Variants in PTPRQ observed in about 807,000 individuals in gnomAD.
PTPRQ encodes phosphatidylinositol phosphatase PTPRQ.
In PTPRQ, 199 loss-of-function variants were observed where a neutral mutation model predicts 246.0. The observed-to-expected ratio is 0.81, with a 90% CI of 0.72 to 0.91. The LOEUF is 0.91. Among genes scored for constraint, PTPRQ ranks in the 40% least tolerant of loss-of-function variants. The pLI is 0.00. For synonymous variants in PTPRQ, 869 were observed against 853.2 expected (o/e 1.02, Z -0.32); for missense variants, 2,624 against 2,528.4 (o/e 1.04, Z -0.81).
intron 25 of PTPRQ, chr12:80,586,795 C>T (rs1250322298): frequency 6.6e-6 from 1 of 152,128 alleles, no homozygotes; most frequent in Non-Finnish European, 1.5e-5. Context: ...GTCTGTACCC[C>T]ACATGCCCAG....
intron 14 of PTPRQ, among the ~76,000 whole-genome samples, chr12:80,497,615 T>G (rs1592584425): frequency 6.6e-6 from 1 of 152,212 alleles, no homozygotes; most frequent in East Asian, 1.9e-4. Flanking sequence ...AGCAAGGAAT[T>G]ACTTGTGTTT....
chr12:80,660,050 C>A (rs11114551), intron 39 of PTPRQ, among the ~76,000 whole-genome samples: 1 of 151,916 alleles, frequency 6.6e-6, no homozygotes, highest in Non-Finnish European at 1.5e-5. Flanking sequence ...ATCAATTTCC[C>A]CCTACCCCCA....
At chr12:80,459,207 T>G (rs780900830) in intron 4 of PTPRQ, 77 bp from the exon 5 acceptor site, 12 of 397,050 alleles carry the variant, frequency 3.0e-5, no homozygotes, top group Non-Finnish European at 5.3e-5. Context: ...TTTAATTTCA[T>G]GTACCATGAA....
Position 80,472,202 on chromosome 12 carries a change from T to C in PTPRQ, c.1137T>C (p.Ser379=). The C allele has an allele frequency of 3.2e-6, 5 of 1,551,586 alleles. No individual in the cohort carries two copies. The highest frequency in any genetic ancestry group is 4.4e-6 in the Non-Finnish European group (5 of 1,146,958). The change falls in exon 8 of 45, where the codon AGT becomes AGC. Residue 379 remains serine, a synonymous_variant. Transcript: ENST00000644991. ...ATGTCTATATTGCGGCTGAAACCAG[T>C]GCAGGGACTGGGCCCAAGTCAAATA... is the stretch of plus-strand genomic sequence containing the variant. ...MYDVYIAAET[S]AGTGPKSNIS...
At chr12:80,460,595 C>G (rs1169498235) in intron 5 of PTPRQ, 58 bp from the exon 6 acceptor site, 7 of 397,838 alleles carry the variant, frequency 1.8e-5, no homozygotes, top group Non-Finnish European at 3.1e-5. Context: ...TGTTCTTATT[C>G]TTATGTTCAC....
intron 25 of PTPRQ, among the ~76,000 whole-genome samples, chr12:80,581,283 A>G (rs1489362727): frequency 6.6e-6 from 1 of 152,232 alleles, no homozygotes; most frequent in Non-Finnish European, 1.5e-5. Context: ...GCATTTGTAC[A>G]CTGATTCTTA....
At position 80,669,176 on chromosome 12, in the gene PTPRQ, T is replaced by A. The variant is rs764279499; in HGVS notation, c.6327+35T>A. On this transcript the variant is annotated intron_variant, in intron 40 of 44. Transcript: ENST00000644991. ...TTGAAAATGTTTTACAAATGTTGTT[T>A]TACGATTGTGTTAACATATGTGTGA... is the stretch of plus-strand genomic sequence containing the variant. The A allele has an allele frequency of 1.9e-6, 3 of 1,540,744 alleles. No homozygotes were observed. In the Admixed American group the frequency reaches 6.0e-5, roughly 31 times the overall value.
chr12:80,661,222 T>C (rs1260292936), intron 39 of PTPRQ, among the ~76,000 whole-genome samples: 2 of 150,580 alleles, frequency 1.3e-5, no homozygotes, highest in African/African-American at 4.9e-5. Flanking sequence ...AAAATATATA[T>C]ATATAAACAC....
rs1268674189 is a variant in PTPRQ, at chr12:80,669,368, C to A, written c.6357C>A (p.Asp2119Glu). The A allele has an allele frequency of 1.3e-6, 2 of 1,548,330 alleles. No individual in the cohort carries two copies. Among genetic ancestry groups the A allele is most frequent in the African/African-American group, 1.4e-5 (1 of 72,478 alleles). Reference protein sequence around the residue: ...RIRCHQYWPEDNKPVTVFGDI... With the variant: ...RIRCHQYWPEENKPVTVFGDI... ...GATGCCATCAGTATTGGCCAGAGGA[C>A]AACAAGCCAGTTACTGTCTTTGGAG... The change falls in exon 41 of 45, where the codon GAC becomes GAA. Residue 2119 changes from aspartate (D) to glutamate (E), a missense_variant. Asp to Glu is a conservative substitution (Grantham distance 45). Transcript: ENST00000644991.
chr12:80,590,394 G>A (rs996793063), intron 26 of PTPRQ, among the ~76,000 whole-genome samples: 1 of 152,036 alleles, frequency 6.6e-6, no homozygotes, highest in Non-Finnish European at 1.5e-5. Context: ...TGGGCTGGGC[G>A]CAGTGGTTCA....
intron 30 of PTPRQ, among the ~76,000 whole-genome samples, 189 bp from the exon 31 acceptor site, chr12:80,619,195 G>T (rs1338128059): frequency 6.6e-6 from 1 of 151,552 alleles, no homozygotes; most frequent in African/African-American, 2.4e-5. Context: ...AGTCTCAAAT[G>T]TATAATTATG....
In PTPRQ at chr12:80,459,382, A is replaced by G. The variant is rs989912122; in HGVS notation, c.559A>G (p.Ser187Gly). The G allele has an allele frequency of 3.0e-5, 12 of 398,406 alleles. No homozygotes were observed. The highest frequency in any genetic ancestry group is 4.1e-5 in the African/African-American group (2 of 48,640). 24.7% of individuals were successfully genotyped at this position (398,406 alleles called of 1,614,324 possible). A position where few individuals can be genotyped will look rare whatever the true frequency, so the allele number is the denominator to read the frequency against. Residue 187 changes from serine (S) to glycine (G), a missense_variant, in exon 5 of 45, where the codon AGC becomes GGC. Physicochemically the swap from Ser to Gly is moderately conservative, Grantham distance 56 (BLOSUM62 0). Transcript: ENST00000644991. ...TCGGCAACCAAATGGCAAAATTACC[A>G]GCTTCAAGATTAGTGTCAAGCATGC... ...LPRQPNGKIT[S>G]FKISVKHARS...
intron 3 of PTPRQ, among the ~76,000 whole-genome samples, chr12:80,448,641 T>TG (rs542100785): frequency 0.014 from 2,123 of 150,322 alleles, 57 homozygotes; most frequent in African/African-American, 0.05. Context: ...TTTTCGTTCT[T>TG]GCGATAGTTT....
At position 80,613,467 on chromosome 12, in the gene PTPRQ, G is replaced by T. The variant is rs946578474; in HGVS notation, c.4919-125G>T. 8.4e-6 allele frequency: 8 copies of T among 947,772 alleles called. No homozygotes were observed. In the East Asian group the frequency reaches 1.7e-4, roughly 20 times the overall value. The allele number at this position is 947,772 out of a possible 1,614,324, so 58.7% of individuals were successfully genotyped here. A position where few individuals can be genotyped will look rare whatever the true frequency, so the allele number is the denominator to read the frequency against. On this transcript the variant is annotated intron_variant, in intron 28 of 44. Transcript: ENST00000644991. ...TGCGTCAGTCATTTTGCTAGTTTTT[G>T]CAGTTTATATGGTTTAATTTGTGGA...
intron 25 of PTPRQ, among the ~76,000 whole-genome samples, chr12:80,551,491 C>G (rs1259597685): frequency 6.6e-6 from 1 of 152,140 alleles, no homozygotes; most frequent in Admixed American, 6.6e-5. Flanking sequence ...TCCTCCTACT[C>G]ACTTAATTGA....
At chr12:80,521,118 T>C (rs1895468010) in intron 17 of PTPRQ, among the ~76,000 whole-genome samples, 2 of 152,164 alleles carry the variant, frequency 1.3e-5, no homozygotes, top group Non-Finnish European at 1.5e-5. Flanking sequence ...CCAGTGATGA[T>C]GAGCATTTTT....
chr12:80,575,946 CA>C (rs1337487577), intron 25 of PTPRQ, among the ~76,000 whole-genome samples: 5 of 152,022 alleles, frequency 3.3e-5, no homozygotes, highest in Non-Finnish European at 2.9e-5. Flanking sequence ...CCCATGTCCC[CA>C]ACCTCACACC....
At chr12:80,589,936 C>T (rs1897737795) in intron 26 of PTPRQ, among the ~76,000 whole-genome samples, 1 of 152,098 alleles carries the variant, frequency 6.6e-6, no homozygotes, top group African/African-American at 2.4e-5. Flanking sequence ...GCACACAACC[C>T]CAAGGAGATT....
At chr12:80,521,361 G>A (rs1456998014) in intron 17 of PTPRQ, among the ~76,000 whole-genome samples, 2 of 151,476 alleles carry the variant, frequency 1.3e-5, no homozygotes, top group African/African-American at 2.4e-5. Context: ...AAGCTCTTTA[G>A]TTTAATTAGA....
Sources: gnomAD v4.1 joint callset for allele counts (sites outside exome capture counted in the v4.1 genomes callset) on GRCh38, gnomAD v4.1.1 for gene constraint, MANE v1.5 for transcripts, NCBI Gene and HGNC (gene_info 2026-07-23, HGNC 2026-07-21) for gene names.